Variants in ADARB2 observed in about 807,000 individuals in gnomAD.
The protein encoded by ADARB2 is adenosine deaminase RNA specific B2 (inactive).
A neutral mutation model predicts 62.2 loss-of-function variants in ADARB2; 25 were observed. That is an observed-to-expected ratio of 0.40 (90% CI 0.29 to 0.56). The LOEUF (loss-of-function observed/expected upper bound fraction) is 0.56. Ranked by LOEUF, ADARB2 falls within the 20% of genes least tolerant of loss-of-function variation. The pLI is 0.43. For synonymous variants in ADARB2, 572 were observed against 500.8 expected (o/e 1.14, Z -1.90); for missense variants, 1,071 against 1,077.4 (o/e 0.99, Z 0.08).
chr10:1,458,129 C>A (rs1047453848), intron 1 of ADARB2, among the ~76,000 whole-genome samples: 7 of 152,212 alleles, frequency 4.6e-5, no homozygotes, highest in East Asian at 1.9e-4. Flanking sequence ...TCAGGCCAAA[C>A]AAACCTCTCT....
chr10:1,345,836 T>C lies in ADARB2; in HGVS notation c.1077+17192A>G, dbSNP rs141497501. Among the ~76,000 whole-genome samples, 840 of 152,294 alleles carry C rather than the reference T, an allele frequency of 5.5e-3. 4 individuals are homozygous for C. Among genetic ancestry groups the C allele is most frequent in the African/African-American group, 0.019 (775 of 41,554 alleles). On this transcript the variant is annotated intron_variant, in intron 3 of 9. Coordinates refer to ENST00000381312, the MANE Select transcript of ADARB2 (RefSeq NM_018702.4). The stretch of plus-strand genomic sequence containing the variant: ...GATGCTGCAGGCCGACACGTGTGCT[T>C]GATGGAAGGATATTCACTTAGATTT...
At chr10:1,501,659 A>G (rs1831769966) in intron 1 of ADARB2, among the ~76,000 whole-genome samples, 1 of 152,250 alleles carries the variant, frequency 6.6e-6, no homozygotes, top group Non-Finnish European at 1.5e-5. Flanking sequence ...AACAGCTCGA[A>G]TATATTGCTC....
chr10:1,664,558 T>C (rs968679869), intron 1 of ADARB2, among the ~76,000 whole-genome samples: 1 of 152,152 alleles, frequency 6.6e-6, no homozygotes, highest in East Asian at 1.9e-4. Context: ...CCTTTAGCAG[T>C]TGGTAAGAAG....
At chr10:1,653,181 G>C (rs924542449) in intron 1 of ADARB2, among the ~76,000 whole-genome samples, 6 of 152,192 alleles carry the variant, frequency 3.9e-5, no homozygotes, top group Admixed American at 6.5e-5. Context: ...GGGAAATATG[G>C]GGCTGCTGCC....
intron 1 of ADARB2, among the ~76,000 whole-genome samples, chr10:1,723,074 T>C (rs752992290): frequency 2.0e-5 from 3 of 152,216 alleles, no homozygotes; most frequent in Non-Finnish European, 2.9e-5. Flanking sequence ...AGGTGTGAGC[T>C]GGGCTGCACG....
chr10:1,247,254 A>G (rs1203416669), intron 4 of ADARB2, among the ~76,000 whole-genome samples: 1 of 152,210 alleles, frequency 6.6e-6, no homozygotes, highest in Non-Finnish European at 1.5e-5. Context: ...TTTTCTAGAT[A>G]TACAATCATG....
chr10:1,231,190 A>G (rs1414032182), intron 6 of ADARB2, among the ~76,000 whole-genome samples: 1 of 152,168 alleles, frequency 6.6e-6, no homozygotes, highest in African/African-American at 2.4e-5. Flanking sequence ...TAGCCAAGGA[A>G]GAGGCTGGAT....
chr10:1,674,947 TTGGGGGTACA>T (rs1834442587), intron 1 of ADARB2: 7 of 978,288 alleles, frequency 7.2e-6, no homozygotes, highest in African/African-American at 7.1e-5. Context: ...AGGTTTGGGT[TTGGGGGTACA>T]CGGATATTCT....
chr10:1,437,628 A>G (rs950520065), intron 1 of ADARB2, among the ~76,000 whole-genome samples: 2 of 152,134 alleles, frequency 1.3e-5, no homozygotes, highest in Admixed American at 6.5e-5. Flanking sequence ...GGCAAGAAAT[A>G]TGGGAAGAAG....
At chr10:1,401,139 AC>A (rs1443996196) in intron 1 of ADARB2, among the ~76,000 whole-genome samples, 2 of 152,052 alleles carry the variant, frequency 1.3e-5, no homozygotes, top group East Asian at 3.9e-4. Context: ...AGCCACAAAC[AC>A]CGTCAGGCCC....
intron 1 of ADARB2, among the ~76,000 whole-genome samples, chr10:1,712,054 C>A (rs1834954445): frequency 6.6e-6 from 1 of 152,196 alleles, no homozygotes; most frequent in Admixed American, 6.5e-5. Context: ...ACTCAAAATA[C>A]ACCCAGTAAA....
At chr10:1,377,268 GC>G (rs1832441267) in intron 2 of ADARB2, among the ~76,000 whole-genome samples, 1 of 140,742 alleles carries the variant, frequency 7.1e-6, no homozygotes, top group African/African-American at 2.7e-5. Flanking sequence ...GTTTGTGTGT[GC>G]CCCTGGGGTG....
At chr10:1,288,940 G>T (rs1264494567) in intron 3 of ADARB2, among the ~76,000 whole-genome samples, 2 of 152,176 alleles carry the variant, frequency 1.3e-5, no homozygotes, top group African/African-American at 4.8e-5. Flanking sequence ...GCATTCCAGA[G>T]TTAACCTGAA....
At chr10:1,564,194 A>C (rs1439336603) in intron 1 of ADARB2, among the ~76,000 whole-genome samples, 1 of 152,200 alleles carries the variant, frequency 6.6e-6, no homozygotes, top group Non-Finnish European at 1.5e-5. Flanking sequence ...TAGATCCCTG[A>C]GGAATCGCCA....
In ADARB2 at chr10:1,327,187, G is replaced by A. The variant is rs867905734; in HGVS notation, c.1077+35841C>T. ...GTTTAGTGCCTGCCCACAGTTCAGC[G>A]CCTCCCCAAGGCACAGCGCCTCCTC... On this transcript the variant is annotated intron_variant, in intron 3 of 9. Coordinates refer to ENST00000381312, the MANE Select transcript of ADARB2 (RefSeq NM_018702.4). Among the ~76,000 whole-genome samples the A allele has an allele frequency of 1.1e-3, 99 of 88,554 alleles. 20 individuals carry two copies. Among genetic ancestry groups the A allele is most frequent in the South Asian group, 4.9e-3 (14 of 2,846 alleles). 58.1% of individuals were successfully genotyped at this position (88,554 alleles called of 152,430 possible). A position where few individuals can be genotyped will look rare whatever the true frequency, so the allele number is the denominator to read the frequency against.
chr10:1,232,929 GTGTGTGGTGTA>G (rs1830823537), intron 6 of ADARB2, among the ~76,000 whole-genome samples: 1 of 152,026 alleles, frequency 6.6e-6, no homozygotes, highest in Non-Finnish European at 1.5e-5. Flanking sequence ...TATGTGGTGT[GTGTGTGGTGTA>G]TGTGGTATAT....
At chr10:1,338,119 C>A (rs1415037962) in intron 3 of ADARB2, among the ~76,000 whole-genome samples, 2 of 152,338 alleles carry the variant, frequency 1.3e-5, no homozygotes, top group African/African-American at 4.8e-5. Context: ...GTGGAAGGAA[C>A]TTTGAGGAAG....
chr10:1,210,696 C>G (rs1837139130), intron 7 of ADARB2, among the ~76,000 whole-genome samples: 1 of 152,238 alleles, frequency 6.6e-6, no homozygotes, highest in Non-Finnish European at 1.5e-5. Context: ...TTCCTTCGCT[C>G]ATGAGTGCAG....
intron 1 of ADARB2, among the ~76,000 whole-genome samples, chr10:1,563,633 T>A (rs1286620916): frequency 2.6e-5 from 4 of 151,914 alleles, no homozygotes; most frequent in Non-Finnish European, 5.9e-5. Context: ...TTACTTTTTT[T>A]TTTATTATTA....
Sources: allele counts gnomAD v4.1 joint callset (sites outside exome capture counted in the v4.1 genomes callset), GRCh38; gene constraint gnomAD v4.1.1; transcripts MANE v1.5; gene names NCBI Gene and HGNC (gene_info 2026-07-23, HGNC 2026-07-21).